PPFIBP2: variants seen among roughly 807,000 people sequenced by gnomAD.
PPFIBP2 encodes liprin-beta-2.
A neutral mutation model predicts 118.3 loss-of-function variants in PPFIBP2; 118 were observed. That is an observed-to-expected ratio of 1.00 (90% CI 0.86 to 1.16). The LOEUF is 1.16. Ranked by LOEUF, PPFIBP2 falls within the 50% of genes most tolerant of loss-of-function variation. The probability of loss-of-function intolerance (pLI) is 0.00; values close to 1 mark genes in which losing one functional copy is unlikely to be tolerated. For synonymous variants in PPFIBP2, 414 were observed against 397.4 expected, an observed-to-expected ratio of 1.04 and a Z score of -0.50; for missense variants, 1,195 against 1,073.1, an observed-to-expected ratio of 1.11 and a Z score of -1.59.
rs565244750 is a variant in PPFIBP2, at chr11:7,593,330, C to T, written c.372+106C>T. The T allele has an allele frequency of 4.1e-5, 59 of 1,432,938 alleles. No homozygotes were observed. The East Asian group carries it at 1.2e-3, about 30-fold the overall frequency. The allele number at this position is 1,432,938 out of a possible 1,614,324, so 88.8% of individuals were successfully genotyped here. ...AGATTTTCTCTGTTGGAATTTTTCT[C>T]CTTCCAATGCCTATGTTTTTAGAAA... On this transcript the variant is annotated intron_variant, in intron 4 of 23. Transcript: ENST00000299492.
At chr11:7,608,651 A>T (rs986871977) in intron 5 of PPFIBP2, among the ~76,000 whole-genome samples, 16 of 152,234 alleles carry the variant, frequency 1.1e-4, no homozygotes, top group Non-Finnish European at 1.9e-4. Context: ...AAAAAAACAA[A>T]CAAACAAACA....
At chr11:7,515,804 C>T (rs1297502681) in intron 1 of PPFIBP2, among the ~76,000 whole-genome samples, 1 of 152,194 alleles carries the variant, frequency 6.6e-6, no homozygotes. Flanking sequence ...AGACCTTGGT[C>T]CTTGACCCTC....
At chr11:7,645,229 T>C (rs7937600) in intron 17 of PPFIBP2, among the ~76,000 whole-genome samples, 3,423 of 151,880 alleles carry the variant, frequency 0.023, 137 homozygotes, top group African/African-American at 0.078. Context: ...TTTAGGGGGG[T>C]ATGTGTGTGC....
chr11:7,610,093 A>G (rs987250985), intron 5 of PPFIBP2, among the ~76,000 whole-genome samples, 198 bp from the exon 6 acceptor site: 1 of 152,130 alleles, frequency 6.6e-6, no homozygotes, highest in Non-Finnish European at 1.5e-5. Context: ...AGTGGGTGGT[A>G]TTGGGGGTGC....
At chr11:7,655,343 C>G (rs1213355106), downstream of PPFIBP2, 2 of 1,043,946 alleles carry the variant, frequency 1.9e-6, no homozygotes, top group Non-Finnish European at 1.3e-6. Context: ...CTGGAGAAGC[C>G]AGGCTTGAGC....
intron 1 of PPFIBP2, among the ~76,000 whole-genome samples, chr11:7,519,660 G>A (rs1849561231): frequency 1.3e-5 from 2 of 152,160 alleles, no homozygotes; most frequent in South Asian, 4.1e-4. Context: ...GGTAGGCACA[G>A]GAGAACAGGG....
intron 2 of PPFIBP2, among the ~76,000 whole-genome samples, chr11:7,552,792 G>A (rs1308998346): frequency 6.6e-6 from 1 of 151,970 alleles, no homozygotes; most frequent in African/African-American, 2.4e-5. Flanking sequence ...CCAGATCTAG[G>A]CTTATGCTGA....
At chr11:7,651,447 C>A in intron 22 of PPFIBP2, 1 of 500,324 alleles carries the variant, frequency 2.0e-6, no homozygotes, top group Non-Finnish European at 3.5e-6. Flanking sequence ...TCTGTGAAAA[C>A]AAGGTGGTCA....
At chr11:7,588,158 A>G (rs917356855) in intron 3 of PPFIBP2, among the ~76,000 whole-genome samples, 1 of 152,176 alleles carries the variant, frequency 6.6e-6, no homozygotes, top group African/African-American at 2.4e-5. Context: ...ACTTATCAAG[A>G]GTAAATTTCT....
intron 1 of PPFIBP2, among the ~76,000 whole-genome samples, chr11:7,533,312 CCTT>C (rs1366115913): frequency 6.6e-6 from 1 of 152,154 alleles, no homozygotes; most frequent in Non-Finnish European, 1.5e-5. Context: ...AGCCCCCAAT[CCTT>C]CTTTCAGAGT....
intron 17 of PPFIBP2, among the ~76,000 whole-genome samples, chr11:7,644,943 C>T (rs1465879612): frequency 7.7e-6 from 1 of 130,654 alleles, no homozygotes; most frequent in Admixed American, 9.4e-5. Context: ...AGGAGAATGG[C>T]GTGAACCCGG....
chr11:7,579,115 A>G (rs1345385906), intron 3 of PPFIBP2, among the ~76,000 whole-genome samples: 1 of 152,086 alleles, frequency 6.6e-6, no homozygotes, highest in African/African-American at 2.4e-5. Flanking sequence ...CTATGTTGGG[A>G]AAAGTGAGGC....
Position 7,648,509 on chromosome 11 carries a change from T to A in PPFIBP2, c.1769T>A (p.Leu590Ter). 1 of 1,614,122 alleles carries A rather than the reference T, an allele frequency of 6.2e-7. No homozygotes were observed. The highest frequency in any genetic ancestry group is 8.5e-7 in the Non-Finnish European group (1 of 1,180,028). The change falls in exon 18 of 24, where the codon TTG (leucine) becomes TAG (stop). Residue 590 changes from leucine to a stop codon, truncating the protein, a stop_gained. Coordinates refer to ENST00000299492, the MANE Select transcript of PPFIBP2 (RefSeq NM_003621.5). LOFTEE classifies it high-confidence loss of function. The stretch of plus-strand genomic sequence containing the variant: ...TGGGTATCTTCTGGCCACACCTTAT[T>A]GACAGCCACCCCTCAGGACATGGAA... ...RQWVSSGHTL[L>*]TATPQDMEKE...
At chr11:7,620,349 TC>T (rs1381459115) in intron 6 of PPFIBP2, among the ~76,000 whole-genome samples, 1 of 152,162 alleles carries the variant, frequency 6.6e-6, no homozygotes, top group Non-Finnish European at 1.5e-5. Flanking sequence ...CTATCTTTAC[TC>T]CTCCCTGGAT....
intron 1 of PPFIBP2, among the ~76,000 whole-genome samples, chr11:7,540,739 C>T (rs1851691522): frequency 6.6e-6 from 1 of 152,176 alleles, no homozygotes; most frequent in Admixed American, 6.5e-5. Context: ...TGGCTGTGCA[C>T]AGCTGCTGTC....
chr11:7,604,054 C>T (rs894944927), intron 5 of PPFIBP2, among the ~76,000 whole-genome samples: 3 of 152,188 alleles, frequency 2.0e-5, no homozygotes, highest in Admixed American at 6.5e-5. Context: ...CAGCAGGGGG[C>T]AAGCATTGCC....
At chr11:7,535,047 T>C (rs1373145806) in intron 1 of PPFIBP2, among the ~76,000 whole-genome samples, 1 of 152,256 alleles carries the variant, frequency 6.6e-6, no homozygotes, top group Admixed American at 6.5e-5. Flanking sequence ...GAGGATGGGC[T>C]GAGCTGCACA....
At chr11:7,546,812 TA>T (rs1250054841) in intron 1 of PPFIBP2, among the ~76,000 whole-genome samples, 6 of 152,234 alleles carry the variant, frequency 3.9e-5, no homozygotes, top group African/African-American at 1.4e-4. Context: ...AGAAAGCTTC[TA>T]TCATCCTTCA....
intron 2 of PPFIBP2, among the ~76,000 whole-genome samples, chr11:7,562,929 T>TTATATATATATATA (rs60848890): frequency 3.5e-5 from 3 of 86,530 alleles, no homozygotes; most frequent in South Asian, 5.3e-4. Context: ...AATTAAAGTT[T>TTATATATATATATA]TATATATATA....
Sources: gnomAD v4.1 joint callset for allele counts (sites outside exome capture counted in the v4.1 genomes callset) on GRCh38, gnomAD v4.1.1 for gene constraint, MANE v1.5 for transcripts, NCBI Gene and HGNC (gene_info 2026-07-23, HGNC 2026-07-21) for gene names.